DLGAP4: variants seen among roughly 807,000 people sequenced by gnomAD.
DLGAP4 encodes the protein disks large-associated protein 4.
A neutral mutation model predicts 86.9 loss-of-function variants in DLGAP4; 18 were observed. That is an observed-to-expected ratio of 0.21 (90% CI 0.14 to 0.31). DLGAP4 has a LOEUF of 0.31. DLGAP4 is among the 10% of genes least tolerant of loss of function. DLGAP4 has a pLI of 1.00. For synonymous variants in DLGAP4, 548 were observed against 574.3 expected, an observed-to-expected ratio of 0.95 and a Z score of 0.65; for missense variants, 1,085 against 1,362.6, an observed-to-expected ratio of 0.80 and a Z score of 3.21.
intron 2 of DLGAP4, among the ~76,000 whole-genome samples, chr20:36,414,185 C>T (rs2032588311): frequency 6.6e-6 from 1 of 152,136 alleles, no homozygotes; most frequent in African/African-American, 2.4e-5. Flanking sequence ...GACTGGGGTC[C>T]CAGCCCCCAC....
chr20:36,473,846 G>A (rs992305840), intron 7 of DLGAP4, among the ~76,000 whole-genome samples: 2 of 152,140 alleles, frequency 1.3e-5, no homozygotes, highest in African/African-American at 2.4e-5. Flanking sequence ...CACCTACTGA[G>A]CATACAGTAG....
intron 3 of DLGAP4, among the ~76,000 whole-genome samples, chr20:36,434,703 G>C (rs1304506070): frequency 6.6e-6 from 1 of 152,190 alleles, no homozygotes; most frequent in African/African-American, 2.4e-5. Flanking sequence ...TGGGCAGTCT[G>C]CTGAGGGTTT....
At chr20:36,438,703 CTTTTTTTT>C (rs35909803) in intron 4 of DLGAP4, among the ~76,000 whole-genome samples, 1 of 69,552 alleles carries the variant, frequency 1.4e-5, no homozygotes. Flanking sequence ...GTTTCCCCAT[CTTTTTTTT>C]TTTTTTTTTT....
chr20:36,462,240 TC>T lies in DLGAP4; in HGVS notation c.1648+15305del, dbSNP rs900327518. The T allele has an allele frequency of 8.3e-6, 10 of 1,206,386 alleles. No homozygotes were observed. The Admixed American group carries it at 4.5e-4, about 54-fold the overall frequency. 74.7% of individuals were successfully genotyped at this position (1,206,386 alleles called of 1,614,324 possible). A position where few individuals can be genotyped will look rare whatever the true frequency, so the allele number is the denominator to read the frequency against. Reference sequence around the variant, plus strand: ...TCCTCAGCTCCCTGACTTCAGGAGCTCCTCTCTGCTTTCCCCTGGTTTGTCC... The same window carrying T: ...TCCTCAGCTCCCTGACTTCAGGAGCTCTCTCTGCTTTCCCCTGGTTTGTCC... On this transcript the variant is annotated intron_variant, in intron 7 of 12. Coordinates refer to ENST00000339266, the MANE Select transcript of DLGAP4 (RefSeq NM_001365621.2).
intron 1 of DLGAP4, among the ~76,000 whole-genome samples, chr20:36,345,732 C>T (rs1312851402): frequency 6.6e-6 from 1 of 152,086 alleles, no homozygotes; most frequent in Non-Finnish European, 1.5e-5. Context: ...TTCTTCAGGA[C>T]ATCAGGGGCT....
At chr20:36,460,397 CA>C (rs2033993395) in intron 7 of DLGAP4, among the ~76,000 whole-genome samples, 1 of 152,218 alleles carries the variant, frequency 6.6e-6, no homozygotes, top group African/African-American at 2.4e-5. Flanking sequence ...TGCCTGGATT[CA>C]AAACGGTTGG....
In DLGAP4 at chr20:36,436,358, C is replaced by A. The variant is rs763986716; in HGVS notation, c.1241+8C>A. 1 of 1,587,656 alleles carries A rather than the reference C, an allele frequency of 6.3e-7. No individual in the cohort carries two copies. The highest frequency in any genetic ancestry group is 1.1e-5 in the South Asian group (1 of 88,894). ...GCAGAGCAACCCCCGCAGGTAGGCG[C>A]GCAGCTCCACCCTTACGGTCCCGCC... On this transcript the variant is annotated splice_region_variant and intron_variant, in intron 4 of 12. Transcript: ENST00000339266.
chr20:36,401,173 C>T (rs2032149266), intron 2 of DLGAP4, among the ~76,000 whole-genome samples: 1 of 152,138 alleles, frequency 6.6e-6, no homozygotes, highest in African/African-American at 2.4e-5. Flanking sequence ...GGCTGCCGCT[C>T]CCTGAGAAAA....
At chr20:36,429,538 G>C (rs1225681371) in intron 2 of DLGAP4, among the ~76,000 whole-genome samples, 2 of 150,562 alleles carry the variant, frequency 1.3e-5, no homozygotes, top group African/African-American at 4.9e-5. Flanking sequence ...CTCCCAAGTA[G>C]CTGGCATTAC....
At chr20:36,358,807 C>CA (rs1167573534) in intron 1 of DLGAP4, among the ~76,000 whole-genome samples, 1 of 150,922 alleles carries the variant, frequency 6.6e-6, no homozygotes, top group African/African-American at 2.4e-5. Context: ...GACTCCGTCT[C>CA]AAAAAAAATA....
intron 1 of DLGAP4, among the ~76,000 whole-genome samples, chr20:36,346,597 T>C (rs1197125487): frequency 2.6e-5 from 4 of 152,150 alleles, no homozygotes; most frequent in Admixed American, 2.0e-4. Context: ...AGATGATATA[T>C]TGGGAGAAGT....
At chr20:36,494,404 CA>C (rs1458629081) in intron 7 of DLGAP4, among the ~76,000 whole-genome samples, 3 of 152,144 alleles carry the variant, frequency 2.0e-5, no homozygotes, top group African/African-American at 7.2e-5. Flanking sequence ...ATTGGATGAA[CA>C]GATGGATTAT....
Position 36,527,159 on chromosome 20 carries a change from T to G in DLGAP4, c.*128T>G. On this transcript the variant is annotated 3_prime_UTR_variant, in exon 13 of 13. Transcript: ENST00000339266. The stretch of plus-strand genomic sequence containing the variant: ...AGAGACCCTGAGCCAACTTTCAAAT[T>G]GACGCATACAAGGGCTCACAATTTG... 1 of 1,041,934 alleles carries G rather than the reference T, an allele frequency of 9.6e-7. No individual in the cohort carries two copies. 64.5% of individuals were successfully genotyped at this position (1,041,934 alleles called of 1,614,324 possible). A position where few individuals can be genotyped will look rare whatever the true frequency, so the allele number is the denominator to read the frequency against.
At chr20:36,418,109 G>A (rs1040902431) in intron 2 of DLGAP4, among the ~76,000 whole-genome samples, 1 of 149,562 alleles carries the variant, frequency 6.7e-6, no homozygotes, top group Non-Finnish European at 1.5e-5. Context: ...GTGTGTGCGC[G>A]CATATGTGTG....
At chr20:36,368,794 G>C (rs564231830) in intron 2 of DLGAP4, among the ~76,000 whole-genome samples, 2 of 152,256 alleles carry the variant, frequency 1.3e-5, no homozygotes, top group Non-Finnish European at 2.9e-5. Flanking sequence ...ATTACTATGT[G>C]TTTGGCATCG....
chr20:36,423,727 C>T (rs1057461584), intron 2 of DLGAP4, among the ~76,000 whole-genome samples: 1 of 151,560 alleles, frequency 6.6e-6, no homozygotes, highest in African/African-American at 2.4e-5. Flanking sequence ...TTTGGGAGGC[C>T]GAGGCGGGTG....
At chr20:36,362,024 G>A (rs2030540020) in intron 1 of DLGAP4, among the ~76,000 whole-genome samples, 1 of 151,170 alleles carries the variant, frequency 6.6e-6, no homozygotes, top group Admixed American at 6.6e-5. Flanking sequence ...AGCCATGGTG[G>A]CTCACACCTG....
chr20:36,398,504 A>G (rs2032063233), intron 2 of DLGAP4, among the ~76,000 whole-genome samples: 1 of 152,166 alleles, frequency 6.6e-6, no homozygotes, highest in African/African-American at 2.4e-5. Flanking sequence ...TGTTTATGAG[A>G]GAAGATATTA....
At chr20:36,467,218 A>G (rs2034456654) in intron 7 of DLGAP4, among the ~76,000 whole-genome samples, 1 of 152,196 alleles carries the variant, frequency 6.6e-6, no homozygotes, top group South Asian at 2.1e-4. Flanking sequence ...ACACTCTGTA[A>G]TTAAGCGTCT....
Sources: allele counts gnomAD v4.1 joint callset (sites outside exome capture counted in the v4.1 genomes callset), GRCh38; gene constraint gnomAD v4.1.1; transcripts MANE v1.5; gene names NCBI Gene and HGNC (gene_info 2026-07-23, HGNC 2026-07-21).